The following DLG5 variants were observed in gnomAD, a reference collection of about 807,000 sequenced individuals.
DLG5 encodes the protein discs large MAGUK scaffold protein 5, also known as disks large homolog 5.
A neutral mutation model predicts 189.8 loss-of-function variants in DLG5; 48 were observed. The ratio of observed to expected loss-of-function variants is 0.25; its 90% CI spans 0.20 to 0.32. The LOEUF (loss-of-function observed/expected upper bound fraction) is 0.32, where lower values mean the gene tolerates loss of function less well. Among genes scored for constraint, DLG5 ranks in the 10% least tolerant of loss-of-function variants. The pLI is 1.00. For synonymous variants in DLG5, 1,016 were observed against 1,054.1 expected, an observed-to-expected ratio of 0.96 and a Z score of 0.70; for missense variants, 2,160 against 2,544.7, an observed-to-expected ratio of 0.85 and a Z score of 3.25.
intron 7 of DLG5, among the ~76,000 whole-genome samples, chr10:77,840,195 T>C (rs556286639): frequency 9.9e-5 from 15 of 151,496 alleles, no homozygotes; most frequent in African/African-American, 3.6e-4. Flanking sequence ...CTGGGCAACA[T>C]AGTGAGACCG....
Position 77,868,887 on chromosome 10 carries a change from T to C in DLG5, c.373+242A>G, listed in dbSNP as rs528940119. 4 of 532,570 alleles carry C rather than the reference T, an allele frequency of 7.5e-6. No individual in the cohort carries two copies. The East Asian group carries it at 1.1e-4, about 14-fold the overall frequency. 33.0% of individuals were successfully genotyped at this position (532,570 alleles called of 1,614,324 possible). A position where few individuals can be genotyped will look rare whatever the true frequency, so the allele number is the denominator to read the frequency against. ...TCAACAGGCTCCCCTAGAAGCCCTGTGCCCTGACAAAGTAAACAATGGCAA... is the reference window on the plus strand; with the variant it reads ...TCAACAGGCTCCCCTAGAAGCCCTGCGCCCTGACAAAGTAAACAATGGCAA... On this transcript the variant is annotated intron_variant, in intron 2 of 31. Coordinates refer to ENST00000372391, the MANE Select transcript of DLG5 (RefSeq NM_004747.4).
chr10:77,840,636 T>C (rs1413688656), intron 7 of DLG5, among the ~76,000 whole-genome samples: 1 of 152,090 alleles, frequency 6.6e-6, no homozygotes. Context: ...CGAGAATTGC[T>C]TGAACCCAGG....
chr10:77,817,676 G>C (rs1293269791), intron 18 of DLG5, 101 bp downstream of exon 18: 1 of 1,002,936 alleles, frequency 1.0e-6, no homozygotes, highest in Non-Finnish European at 1.5e-6. Flanking sequence ...GGTGACAGGA[G>C]CTCGTGTGGG....
chr10:77,904,255 G>A (rs1161424524), intron 1 of DLG5, among the ~76,000 whole-genome samples: 4 of 152,156 alleles, frequency 2.6e-5, no homozygotes, highest in African/African-American at 9.7e-5. Flanking sequence ...TGTTAGAAGT[G>A]CCTTTTGCCC....
intron 13 of DLG5, among the ~76,000 whole-genome samples, chr10:77,827,627 G>A (rs373884479): frequency 1.3e-5 from 2 of 152,350 alleles, no homozygotes; most frequent in Non-Finnish European, 2.9e-5. Flanking sequence ...ACCATTACAT[G>A]TCTCCAGAGG....
At chr10:77,798,542 T>A (rs1180447077) in intron 27 of DLG5, among the ~76,000 whole-genome samples, 1 of 152,182 alleles carries the variant, frequency 6.6e-6, no homozygotes, top group East Asian at 1.9e-4. Flanking sequence ...GTATCCTAGT[T>A]CTTCTTATAA....
At chr10:77,908,923 G>A (rs1846141412) in intron 1 of DLG5, among the ~76,000 whole-genome samples, 1 of 152,128 alleles carries the variant, frequency 6.6e-6, no homozygotes, top group African/African-American at 2.4e-5. Context: ...TATAAGCTAG[G>A]CTGATTATTT....
chr10:77,935,043 G>A, the DLG5 span, among the ~76,000 whole-genome samples: 1 of 152,016 alleles, frequency 6.6e-6, no homozygotes, highest in Non-Finnish European at 1.5e-5. Context: ...ATTTTTAGTA[G>A]AGATAGGGCT....
At chr10:77,828,085 T>A (rs1230760204) in intron 13 of DLG5, among the ~76,000 whole-genome samples, 1 of 150,852 alleles carries the variant, frequency 6.6e-6, no homozygotes, top group African/African-American at 2.4e-5. Flanking sequence ...TACATTTAGT[T>A]AAAAAAAAAG....
chr10:77,848,807 T>C (rs1564545451), intron 5 of DLG5, among the ~76,000 whole-genome samples: 1 of 152,116 alleles, frequency 6.6e-6, no homozygotes, highest in Non-Finnish European at 1.5e-5. Context: ...TCCATCCCAA[T>C]GGTTTACACA....
chr10:77,933,634 G>A, the DLG5 span, among the ~76,000 whole-genome samples: 26 of 152,118 alleles, frequency 1.7e-4, no homozygotes, highest in Middle Eastern at 3.4e-3. Flanking sequence ...TGAGGCAGGA[G>A]AATCGCTTGA....
At chr10:77,865,457 C>T (rs956536617) in intron 2 of DLG5, among the ~76,000 whole-genome samples, 3 of 152,106 alleles carry the variant, frequency 2.0e-5, no homozygotes, top group Non-Finnish European at 2.9e-5. Flanking sequence ...TTTCTCCTGC[C>T]GATAAGCCTG....
intron 1 of DLG5, among the ~76,000 whole-genome samples, chr10:77,907,242 C>G (rs775577152): frequency 1.1e-4 from 16 of 152,100 alleles, no homozygotes; most frequent in East Asian, 1.9e-4. Context: ...CTCCTGCCCC[C>G]CTATGCCACT....
intron 2 of DLG5, among the ~76,000 whole-genome samples, chr10:77,866,196 C>A (rs1844675588): frequency 6.6e-6 from 1 of 152,164 alleles, no homozygotes. Flanking sequence ...CAGGGCCAGC[C>A]CCACCAGGCA....
chr10:77,918,875 G>A (rs1050392091), intron 1 of DLG5, among the ~76,000 whole-genome samples: 2 of 151,934 alleles, frequency 1.3e-5, no homozygotes, highest in Non-Finnish European at 2.9e-5. Context: ...GAGCCCCCTC[G>A]CATGGGGCAG....
In DLG5 at chr10:77,902,958, AAAAT is replaced by A. The variant is rs1000162382; in HGVS notation, c.304+23255_304+23258del. Among the ~76,000 whole-genome samples the A allele has an allele frequency of 3.5e-4, 53 of 152,204 alleles. 1 individual carries two copies. Among genetic ancestry groups the A allele is most frequent in the African/African-American group, 1.3e-3 (52 of 41,556 alleles). On this transcript the variant is annotated intron_variant, in intron 1 of 31. Coordinates refer to ENST00000372391, the MANE Select transcript of DLG5 (RefSeq NM_004747.4). Reference sequence around the variant, plus strand: ...GCGACAGAGCGAGACTCCGTCTCAAAAAATAAATAAATAAATAAACGAGCCATTG... The same window carrying A: ...GCGACAGAGCGAGACTCCGTCTCAAAAAATAAATAAATAAACGAGCCATTG...
chr10:77,892,339 G>A (rs1401007111), intron 1 of DLG5, among the ~76,000 whole-genome samples: 1 of 152,214 alleles, frequency 6.6e-6, no homozygotes, highest in African/African-American at 2.4e-5. Flanking sequence ...CCATTAGAAA[G>A]TGAGGACTTG....
chr10:77,797,119 C>T (rs753123370), intron 27 of DLG5, among the ~76,000 whole-genome samples: 16 of 152,214 alleles, frequency 1.1e-4, no homozygotes, highest in Non-Finnish European at 1.6e-4. Flanking sequence ...GACCTGGGTC[C>T]TGGATGATCC....
rs373364120 is a variant in DLG5 at position 77,812,186 on chromosome 10, C to T, written c.4188+29G>A. On this transcript the variant is annotated intron_variant, in intron 21 of 31. Transcript: ENST00000372391. Reference sequence around the variant, plus strand: ...GGGAAGAAGTGCAGGTTTCCATGGGCGCCATGCAGGAGGGCAGCTCCCTCT... The same window carrying T: ...GGGAAGAAGTGCAGGTTTCCATGGGTGCCATGCAGGAGGGCAGCTCCCTCT... 1.5e-5 allele frequency: 24 copies of T among 1,603,800 alleles called. No individual in the cohort carries two copies. The African/African-American group carries it at 2.0e-4, about 13-fold the overall frequency.
Sources: gnomAD v4.1 joint callset for allele counts (sites outside exome capture counted in the v4.1 genomes callset) on GRCh38, gnomAD v4.1.1 for gene constraint, MANE v1.5 for transcripts, NCBI Gene and HGNC (gene_info 2026-07-23, HGNC 2026-07-21) for gene names.